The following CASP9 variants were observed in gnomAD, a reference collection of about 807,000 sequenced individuals.
The protein encoded by CASP9 is caspase 9.
A neutral mutation model predicts 43.5 loss-of-function variants in CASP9; 29 were observed. The observed-to-expected ratio is 0.67, with a 90% CI of 0.50 to 0.91. The LOEUF is 0.91. CASP9 is among the 40% of genes least tolerant of loss of function. CASP9 has a pLI of 0.00. For missense variants in CASP9, 575 were observed against 537.4 expected (o/e 1.07, Z -0.69); for synonymous variants, 206 against 211.9 (o/e 0.97, Z 0.24).
upstream of CASP9, chr1:15,524,674 A>G (rs1401608013): frequency 6.1e-6 from 6 of 981,218 alleles, no homozygotes; most frequent in East Asian, 1.5e-4. Context: ...CTCTTGCGTC[A>G]CCGCCTCGCC....
rs190340993 is a variant in CASP9 at position 15,510,086 on chromosome 1, C to T, written c.419-2179G>A. On this transcript the variant is annotated intron_variant, in intron 2 of 8. Transcript: ENST00000333868. ...GCTGGGAGTACAGGCACCTGCATCA[C>T]GCTTGGCTAATTTTTGTATTTTTAG... Among the ~76,000 whole-genome samples, 462 of 152,040 alleles carry T rather than the reference C, an allele frequency of 3.0e-3. 1 individual carries two copies. Among genetic ancestry groups the T allele is most frequent in the African/African-American group, 0.011 (440 of 41,460 alleles).
intron 2 of CASP9, among the ~76,000 whole-genome samples, chr1:15,514,380 T>C (rs899654019): frequency 1.1e-4 from 16 of 152,190 alleles, no homozygotes; most frequent in African/African-American, 3.9e-4. Flanking sequence ...TACATATGAA[T>C]ACACAGCTCT....
In CASP9 at chr1:15,523,001, G is replaced by A. The variant is rs556984005; in HGVS notation, c.132+1068C>T. 4.6e-5 allele frequency among the ~76,000 whole-genome samples: 7 copies of A among 152,286 alleles called. 1 individual carries two copies. The South Asian group carries it at 1.4e-3, about 32-fold the overall frequency. On this transcript the variant is annotated intron_variant, in intron 1 of 8. Coordinates refer to ENST00000333868, the MANE Select transcript of CASP9 (RefSeq NM_001229.5). ...TTAAAGACTCTTTCCCTGGGCCAGG[G>A]CACTGGCCAGGGATATCCAGCCAGC...
chr1:15,493,946 G>A lies in CASP9; in HGVS notation c.1104C>T (p.Asp368=), dbSNP rs149161953. ...KSGSWYVETL[D]DIFEQWAHSE... is the part of the protein sequence containing the mutation. ...AGTGAGCCCACTGCTCAAAGATGTC[G>A]TCCAGGGTCTCAACGTACCAGGAGC... is the stretch of plus-strand genomic sequence containing the variant. The change falls in exon 8 of 9, where the codon GAC becomes GAT. Residue 368 remains aspartate (D), a synonymous_variant. Transcript: ENST00000333868. 19 of 1,605,066 alleles carry A rather than the reference G, an allele frequency of 1.2e-5. No homozygotes were observed. The highest frequency in any genetic ancestry group is 9.0e-5 in the East Asian group (4 of 44,628).
In CASP9 at chr1:15,518,332, C is replaced by G; in HGVS notation, c.196G>C (p.Gly66Arg). The part of the protein sequence containing the change: ...RQLIIDLETR[G>R]SQALPLFISC... Reference sequence around the variant, plus strand: ...ATGAACAAAGGAAGAGCCTGACTCCCTCGAGTCTCCAGATCTATGATCAGC... The same window carrying G: ...ATGAACAAAGGAAGAGCCTGACTCCGTCGAGTCTCCAGATCTATGATCAGC... Residue 66 changes from glycine to arginine, a missense_variant, in exon 2 of 9, where the codon GGG becomes CGG. Coordinates refer to ENST00000333868, the MANE Select transcript of CASP9 (RefSeq NM_001229.5). 6.2e-7 allele frequency: 1 copy of G among 1,614,162 alleles called. No individual in the cohort carries two copies. Among genetic ancestry groups the G allele is most frequent in the Non-Finnish European group, 8.5e-7 (1 of 1,180,030 alleles).
intron 1 of CASP9, among the ~76,000 whole-genome samples, chr1:15,518,669 G>A (rs1269784725): frequency 1.3e-5 from 2 of 152,188 alleles, no homozygotes; most frequent in African/African-American, 4.8e-5. Context: ...AATGCAATCA[G>A]ACAAATCAGC....
upstream of CASP9, chr1:15,524,245 G>C (rs968363309): frequency 1.3e-5 from 20 of 1,524,000 alleles, no homozygotes; most frequent in African/African-American, 2.4e-4. Flanking sequence ...GTCCGCTTCC[G>C]GGCCTCGGCC....
chr1:15,510,313 T>C (rs1335545968), intron 2 of CASP9, among the ~76,000 whole-genome samples: 1 of 152,184 alleles, frequency 6.6e-6, no homozygotes, highest in Non-Finnish European at 1.5e-5. Flanking sequence ...CCAATAACAG[T>C]GCCATTCCTT....
intron 2 of CASP9, among the ~76,000 whole-genome samples, chr1:15,508,178 AGG>A (rs1379680832): frequency 2.6e-5 from 4 of 152,240 alleles, no homozygotes; most frequent in African/African-American, 9.6e-5. Flanking sequence ...ATGTTCCCTG[AGG>A]CCTTATTCAT....
Position 15,507,001 on chromosome 1 carries a change from C to T in CASP9, c.528G>A (p.Gly176=). The part of the protein sequence containing the change: ...INNVNFCRES[G]LRTRTGSNID... ...TGTTGGAGCCAGTGCGGGTGCGGAG[C>T]CCGGACTCACGGCAGAAGTTCACAT... Residue 176 remains glycine, a synonymous_variant, in exon 4 of 9, where the codon GGG becomes GGA. Transcript: ENST00000333868. 1 of 1,614,214 alleles carries T rather than the reference C, an allele frequency of 6.2e-7. No homozygotes were observed. Among genetic ancestry groups the T allele is most frequent in the Non-Finnish European group, 8.5e-7 (1 of 1,180,030 alleles).
chr1:15,517,069 T>C (rs1173949025), intron 2 of CASP9, among the ~76,000 whole-genome samples: 1 of 152,180 alleles, frequency 6.6e-6, no homozygotes, highest in Non-Finnish European at 1.5e-5. Context: ...ATTACTATTA[T>C]GATTATTAAC....
At chr1:15,521,156 CAAAAAAAAAAAA>C (rs34870949) in intron 1 of CASP9, among the ~76,000 whole-genome samples, 1 of 81,228 alleles carries the variant, frequency 1.2e-5, no homozygotes, top group Admixed American at 1.3e-4. Flanking sequence ...GACTCCGTCT[CAAAAAAAAAAAA>C]AAAAAAAAGG....
Position 15,506,985 on chromosome 1 carries a change from C to T in CASP9, c.544G>A (p.Gly182Ser), listed in dbSNP as rs201497494. 3 of 1,614,194 alleles carry T rather than the reference C, an allele frequency of 1.9e-6. No homozygotes were observed. The East Asian group carries it at 6.7e-5, about 36-fold the overall frequency. The change falls in exon 4 of 9, where the codon GGC (glycine) becomes AGC (serine). Residue 182 changes from glycine to serine, a missense_variant. By Grantham distance (56) the Gly-to-Ser change is moderately conservative (BLOSUM62 0). Coordinates refer to ENST00000333868, the MANE Select transcript of CASP9 (RefSeq NM_001229.5). ...CRESGLRTRT[G>S]SNIDCEKLRR... ...AACTTCTCACAGTCGATGTTGGAGCCAGTGCGGGTGCGGAGCCCGGACTCA... is the reference window on the plus strand; with the variant it reads ...AACTTCTCACAGTCGATGTTGGAGCTAGTGCGGGTGCGGAGCCCGGACTCA...
chr1:15,522,148 T>C lies in CASP9; in HGVS notation c.132+1921A>G, dbSNP rs952503458. On this transcript the variant is annotated intron_variant, in intron 1 of 8. Transcript: ENST00000333868. ...GTTAAATTAGAACTTCCCAACTTTT[T>C]AGGGTAAAAAATTTCAGGGAAACTG... is the stretch of plus-strand genomic sequence containing the variant. 2.6e-5 allele frequency among the ~76,000 whole-genome samples: 4 copies of C among 152,246 alleles called. No homozygotes were observed. The South Asian group carries it at 8.3e-4, about 31-fold the overall frequency.
rs1367013329 is a variant in CASP9 at position 15,495,192 on chromosome 1, T to G, written c.1048+81A>C. Reference sequence around the variant, plus strand: ...CAGAACCAGGACTCATACCCTGGTCTTTTCTCTCACCACACAGCTGCCTCT... The same window carrying G: ...CAGAACCAGGACTCATACCCTGGTCGTTTCTCTCACCACACAGCTGCCTCT... On this transcript the variant is annotated intron_variant, in intron 7 of 8. Transcript: ENST00000333868. 4.5e-6 allele frequency: 6 copies of G among 1,344,130 alleles called. No homozygotes were observed. The African/African-American group carries it at 7.4e-5, about 17-fold the overall frequency. The allele number at this position is 1,344,130 out of a possible 1,614,324, so 83.3% of individuals were successfully genotyped here.
rs760275678 is a variant in CASP9 at position 15,495,376 on chromosome 1, A to G, written c.945T>C (p.Asp315=). Residue 315 remains aspartate, a synonymous_variant, in exon 7 of 9, where the codon GAT becomes GAC. Coordinates refer to ENST00000333868, the MANE Select transcript of CASP9 (RefSeq NM_001229.5). Reference sequence around the variant, plus strand: ...TCAAACCTTCCTGGAACGGGGTGGCATCTGGCTCGGGGTTACTGCCAGGGG... The same window carrying G: ...TCAAACCTTCCTGGAACGGGGTGGCGTCTGGCTCGGGGTTACTGCCAGGGG... ...DESPGSNPEP[D]ATPFQEGLRT... 9 of 1,609,374 alleles carry G rather than the reference A, an allele frequency of 5.6e-6. No individual in the cohort carries two copies. The Admixed American group carries it at 8.4e-5, about 15-fold the overall frequency.
At position 15,492,734 on chromosome 1, in the gene CASP9, C is replaced by T. The variant is rs1214095965; in HGVS notation, c.*209G>A. On this transcript the variant is annotated 3_prime_UTR_variant, in exon 9 of 9. Transcript: ENST00000333868. ...TCAAGAGGCCACGTGCAATCCACGGCATTCATCTGTCCCTCTTCCTCCACT... is the reference window on the plus strand; with the variant it reads ...TCAAGAGGCCACGTGCAATCCACGGTATTCATCTGTCCCTCTTCCTCCACT... The T allele has an allele frequency of 1.5e-6, 1 of 647,928 alleles. No homozygotes were observed. Among genetic ancestry groups the T allele is most frequent in the African/African-American group, 1.8e-5 (1 of 54,734 alleles). The allele number at this position is 647,928 out of a possible 1,614,324, so 40.1% of individuals were successfully genotyped here.
Position 15,495,246 on chromosome 1 carries a change from G to A in CASP9, c.1048+27C>T, listed in dbSNP as rs2308946. 1.6e-4 allele frequency: 248 copies of A among 1,596,440 alleles called. No individual in the cohort carries two copies. The African/African-American group carries it at 3.0e-3, about 19-fold the overall frequency. On this transcript the variant is annotated intron_variant, in intron 7 of 8. Coordinates refer to ENST00000333868, the MANE Select transcript of CASP9 (RefSeq NM_001229.5). ...GCAGACGGGAAGACCCACTGGCTGCGAGGACGAGCCCTTCTGATGTGCTCA... is the reference window on the plus strand; with the variant it reads ...GCAGACGGGAAGACCCACTGGCTGCAAGGACGAGCCCTTCTGATGTGCTCA...
At chr1:15,503,759 C>A (rs954737668) in intron 6 of CASP9, among the ~76,000 whole-genome samples, 1 of 152,166 alleles carries the variant, frequency 6.6e-6, no homozygotes, top group Non-Finnish European at 1.5e-5. Flanking sequence ...ACTTCTCTGG[C>A]AGATCAGGCT....
Sources: allele counts gnomAD v4.1 joint callset (sites outside exome capture counted in the v4.1 genomes callset), GRCh38; gene constraint gnomAD v4.1.1; transcripts MANE v1.5; gene names NCBI Gene and HGNC (gene_info 2026-07-23, HGNC 2026-07-21).